The following PRRC2B variants were observed in gnomAD, a reference collection of about 807,000 sequenced individuals.
PRRC2B encodes the protein protein PRRC2B.
PRRC2B carries 68 observed loss-of-function variants against 242.3 expected under a neutral mutation model. The observed-to-expected ratio is 0.28, with a 90% CI of 0.23 to 0.34. The LOEUF (loss-of-function observed/expected upper bound fraction) is 0.34, where lower values mean the gene tolerates loss of function less well. PRRC2B is among the 10% of genes least tolerant of loss of function. The pLI is 1.00. For synonymous variants in PRRC2B, 1,228 were observed against 1,173.6 expected (o/e 1.05, Z -0.95); for missense variants, 2,835 against 2,954.8 (o/e 0.96, Z 0.94).
intron 1 of PRRC2B, among the ~76,000 whole-genome samples, chr9:131,383,316 C>T (rs888499364): frequency 1.3e-5 from 2 of 152,146 alleles, no homozygotes; most frequent in African/African-American, 4.8e-5. Context: ...AGGTGCAGAG[C>T]ATTTGAAAGC....
intron 1 of PRRC2B, among the ~76,000 whole-genome samples, chr9:131,387,221 G>C (rs961322781): frequency 6.7e-6 from 1 of 150,174 alleles, no homozygotes; most frequent in South Asian, 2.1e-4. Flanking sequence ...GGCTGGTCTC[G>C]AACTCCCGAT....
chr9:131,426,348 AAAAAAAAAAAAAGAAAAAG>A (rs1837975915), intron 1 of PRRC2B, among the ~76,000 whole-genome samples: 1 of 151,304 alleles, frequency 6.6e-6, no homozygotes, highest in South Asian at 2.1e-4. Flanking sequence ...AAAAAAAAAA[AAAAAAAAAAAAAGAAAAAG>A]AAAAAAAGAA....
chr9:131,471,038 T>C, intron 14 of PRRC2B, 55 bp downstream of exon 14: 1 of 1,316,178 alleles, frequency 7.6e-7, no homozygotes, highest in Non-Finnish European at 1.1e-6. Flanking sequence ...AGCGTGGTGG[T>C]CAAGGGTGTC....
At chr9:131,380,584 A>G (rs1404143668) in intron 1 of PRRC2B, among the ~76,000 whole-genome samples, 5 of 151,250 alleles carry the variant, frequency 3.3e-5, no homozygotes, top group South Asian at 2.1e-4. Flanking sequence ...CGCCTCAAAA[A>G]AGAAAAAAAA....
Position 131,482,184 on chromosome 9 carries a change from C to T in PRRC2B, c.4984-187C>T, listed in dbSNP as rs1219727410. ...AAGATCCTGTGGTCACGAGCTCTAT[C>T]GGGGTTGGTGTGTTTGGCCACACGT... is the stretch of plus-strand genomic sequence containing the variant. On this transcript the variant is annotated intron_variant, in intron 20 of 31. Transcript: ENST00000683519. This position sits in a 1 kb window ranked among gnomAD's most constrained non-coding sequence, Gnocchi z 5.2. Among the ~76,000 whole-genome samples the T allele has an allele frequency of 4.6e-5, 7 of 152,152 alleles. No homozygotes were observed. Among genetic ancestry groups the T allele is most frequent in the Non-Finnish European group, 2.9e-5 (2 of 68,032 alleles).
Position 131,417,051 on chromosome 9 carries a change from G to A in PRRC2B, c.-51-13043G>A, listed in dbSNP as rs75493363. 2.6e-5 allele frequency among the ~76,000 whole-genome samples: 4 copies of A among 152,226 alleles called. No individual in the cohort carries two copies. The East Asian group carries it at 7.7e-4, about 29-fold the overall frequency. ...ATCTCTCAGATACCTGTGGTCTCGG[G>A]CACACAGCTGATTGGAAACTGCATG... On this transcript the variant is annotated intron_variant, in intron 1 of 31. Transcript: ENST00000683519.
At chr9:131,423,451 C>T (rs1424517223) in intron 1 of PRRC2B, among the ~76,000 whole-genome samples, 1 of 152,232 alleles carries the variant, frequency 6.6e-6, no homozygotes, top group Non-Finnish European at 1.5e-5. Flanking sequence ...TAACAGCGCC[C>T]TGGCCTGATG....
chr9:131,430,601 A>G (rs938123537), intron 2 of PRRC2B, among the ~76,000 whole-genome samples: 301 of 52,236 alleles, frequency 5.8e-3, no homozygotes, highest in East Asian at 0.029. Flanking sequence ...GTGTGTATAT[A>G]TATGTTTTGG....
In PRRC2B at chr9:131,492,183, G is replaced by T. The variant is rs779116435; in HGVS notation, c.6396G>T (p.Glu2132Asp). The T allele has an allele frequency of 7.4e-6, 12 of 1,613,772 alleles. No homozygotes were observed. The highest frequency in any genetic ancestry group is 9.3e-6 in the Non-Finnish European group (11 of 1,179,748). ...GGTCTCTCTAGCCCTCTCAGATGGA[G>T]ATGAAAGGCTTCCACTTTGCCGACA... ...LNTSREPSQMEMKGFHFADSK... is the reference protein window; with the variant it reads ...LNTSREPSQMDMKGFHFADSK... Residue 2132 changes from glutamate (E) to aspartate (D), a missense_variant, in exon 30 of 32, where the codon GAG becomes GAT. By Grantham distance (45) the Glu-to-Asp change is conservative (BLOSUM62 2). Around this residue, in one of 7 missense-constraint regions of PRRC2B, gnomAD observed 574 missense variants for 626.0 expected, o/e 0.92. Coordinates refer to ENST00000683519, the MANE Select transcript of PRRC2B (RefSeq NM_013318.4).
At chr9:131,448,420 T>C (rs916045135) in intron 9 of PRRC2B, among the ~76,000 whole-genome samples, 1 of 151,302 alleles carries the variant, frequency 6.6e-6, no homozygotes, top group Admixed American at 6.6e-5. Flanking sequence ...GGCGCGTGCC[T>C]GTAGTCCCAG....
chr9:131,409,947 CATT>C (rs1425769482), intron 1 of PRRC2B, among the ~76,000 whole-genome samples: 1 of 152,126 alleles, frequency 6.6e-6, no homozygotes, highest in Non-Finnish European at 1.5e-5. Context: ...GTTAATTCAC[CATT>C]ATTTGGAGGT....
upstream of PRRC2B, among the ~76,000 whole-genome samples, chr9:131,393,414 C>T: frequency 6.6e-6 from 1 of 152,176 alleles, no homozygotes; most frequent in Non-Finnish European, 1.5e-5. Flanking sequence ...GTAACCAAGA[C>T]AGGAGTGCAG....
Position 131,494,146 on chromosome 9 carries a change from C to G in PRRC2B, c.6474-259C>G, listed in dbSNP as rs1302110685. 6.6e-6 allele frequency among the ~76,000 whole-genome samples: 1 copy of G among 152,140 alleles called. No individual in the cohort carries two copies. The highest frequency in any genetic ancestry group is 1.5e-5 in the Non-Finnish European group (1 of 68,030). ...CCATCTGTACAGGGCCTCAGCCTCC[C>G]TCTCTTGCGGTGCGTCTCCTTGAGC... is the stretch of plus-strand genomic sequence containing the variant. On this transcript the variant is annotated intron_variant, in intron 30 of 31. Transcript: ENST00000683519. This position sits in a 1 kb window ranked among gnomAD's most constrained non-coding sequence, Gnocchi z 4.3.
rs1307899788 is a variant in PRRC2B, at chr9:131,430,225, T to C, written c.81T>C (p.Tyr27=). 1 of 1,604,480 alleles carries C rather than the reference T, an allele frequency of 6.2e-7. No individual in the cohort carries two copies. The highest frequency in any genetic ancestry group is 1.3e-5 in the African/African-American group (1 of 74,688). The change falls in exon 2 of 32, where the codon TAT becomes TAC. Residue 27 remains tyrosine, a synonymous_variant. Coordinates refer to ENST00000683519, the MANE Select transcript of PRRC2B (RefSeq NM_013318.4). ...CGACTCTCAGCCTGTTTGATAAGTA[T>C]AAAGGAAAATCAGTAGACGCGATTA... ...KYSTLSLFDK[Y]KGKSVDAIRS...
chr9:131,479,789 T>A (rs1369173732), intron 19 of PRRC2B, among the ~76,000 whole-genome samples: 1 of 152,186 alleles, frequency 6.6e-6, no homozygotes, highest in Non-Finnish European at 1.5e-5. Context: ...AGCTCTCTTC[T>A]GTGCTGTGCA....
rs1187518580 is a variant in PRRC2B at position 131,446,015 on chromosome 9, G to T, written c.614-386G>T. Among the ~76,000 whole-genome samples, 1 of 152,198 alleles carries T rather than the reference G, an allele frequency of 6.6e-6. No homozygotes were observed. The highest frequency in any genetic ancestry group is 2.4e-5 in the African/African-American group (1 of 41,458). ...GCCCGGAACTTGCTCCTGTTTTAAT[G>T]TGTAGTCCAGTGCTGACCCTAAGTG... On this transcript the variant is annotated intron_variant, in intron 6 of 31. Transcript: ENST00000683519. The surrounding 1 kb of genome is among the most constrained non-coding windows in gnomAD (Gnocchi z 4.1).
At chr9:131,473,359 T>G (rs992632129) in intron 14 of PRRC2B, 149 bp from the exon 15 acceptor site, 4 of 622,718 alleles carry the variant, frequency 6.4e-6, no homozygotes, top group Admixed American at 3.0e-5. Context: ...CAGGAAAGAT[T>G]AAGAGCCCTA....
intron 19 of PRRC2B, among the ~76,000 whole-genome samples, chr9:131,481,451 A>G: frequency 6.6e-6 from 1 of 152,188 alleles, no homozygotes; most frequent in Non-Finnish European, 1.5e-5. Context: ...GGCAGGAGTG[A>G]GGGCTCTGCC....
chr9:131,436,887 A>G (rs1838392937), intron 4 of PRRC2B, among the ~76,000 whole-genome samples, 165 bp downstream of exon 4: 2 of 152,208 alleles, frequency 1.3e-5, no homozygotes, highest in Non-Finnish European at 2.9e-5. Context: ...GTCATGGGAA[A>G]CCGTCAAGGT....
Sources: allele counts gnomAD v4.1 joint callset (sites outside exome capture counted in the v4.1 genomes callset), GRCh38; gene constraint gnomAD v4.1.1; regional missense constraint gnomAD v4.1.1; non-coding constraint Gnocchi (gnomAD v3.1); transcripts MANE v1.5; gene names NCBI Gene and HGNC (gene_info 2026-07-23, HGNC 2026-07-21).